KAZN: variants seen among roughly 807,000 people sequenced by gnomAD.
KAZN encodes kazrin, periplakin interacting protein, also known as kazrin.
In KAZN, 40 loss-of-function variants were observed where a neutral mutation model predicts 87.4. The ratio of observed to expected loss-of-function variants is 0.46; its 90% CI spans 0.36 to 0.60. The LOEUF (loss-of-function observed/expected upper bound fraction) is 0.60, where lower values mean the gene tolerates loss of function less well. Ranked by LOEUF, KAZN falls within the 20% of genes least tolerant of loss-of-function variation. The probability of loss-of-function intolerance (pLI) is 0.00; values close to 1 mark genes in which losing one functional copy is unlikely to be tolerated. For synonymous variants in KAZN, 466 were observed against 458.3 expected, an observed-to-expected ratio of 1.02 and a Z score of -0.22; for missense variants, 898 against 1,073.9, an observed-to-expected ratio of 0.84 and a Z score of 2.29.
At chr1:14,639,781 G>T (rs532152884) in intron 1 of KAZN, among the ~76,000 whole-genome samples, 3 of 152,214 alleles carry the variant, frequency 2.0e-5, no homozygotes, top group East Asian at 3.9e-4. Context: ...CATCTCTTTT[G>T]ATTTTTTTAG....
chr1:14,143,249 G>A (rs1320602566), intron 1 of KAZN, among the ~76,000 whole-genome samples: 2 of 152,132 alleles, frequency 1.3e-5, no homozygotes, highest in Non-Finnish European at 2.9e-5. Flanking sequence ...TTTTATTTCT[G>A]TATACCTAGG....
intron 2 of KAZN, among the ~76,000 whole-genome samples, chr1:14,493,459 C>T (rs1158946335): frequency 6.6e-6 from 1 of 151,910 alleles, no homozygotes; most frequent in Non-Finnish European, 1.5e-5. Context: ...CACTCTGTAT[C>T]TCATTCCACC....
intron 2 of KAZN, among the ~76,000 whole-genome samples, chr1:14,294,719 C>A (rs1045902423): frequency 6.8e-6 from 1 of 148,070 alleles, no homozygotes; most frequent in Admixed American, 6.7e-5. Flanking sequence ...AAAATCAGGC[C>A]AAGTAGATTT....
At position 13,979,714 on chromosome 1, in the gene KAZN, G is replaced by C. The variant is rs900526430; in HGVS notation, c.91+85958G>C. ...GAGGCCGAGGCGGGCGGATCACAAG[G>C]TCAGGAGATCGAGACCATCCTGGCT... On this transcript the variant is annotated intron_variant, in intron 1 of 16. Transcript: ENST00000636203. Among the ~76,000 whole-genome samples, 4 of 152,140 alleles carry C rather than the reference G, an allele frequency of 2.6e-5. No individual in the cohort carries two copies. In the East Asian group the frequency reaches 7.7e-4, roughly 29 times the overall value.
intron 2 of KAZN, among the ~76,000 whole-genome samples, chr1:14,188,236 T>TGTGTGTGTGTGTGA (rs1406316215): frequency 2.2e-5 from 3 of 139,204 alleles, no homozygotes; most frequent in Non-Finnish European, 4.8e-5. Context: ...TGTGTGTGTG[T>TGTGTGTGTGTGTGA]GAAAGAGAAG....
rs1178354505 is a variant in KAZN at position 15,060,273 on chromosome 1, C to G, written c.1018C>G (p.Pro340Ala). The change falls in exon 6 of 15, where the codon CCT becomes GCT. Residue 340 changes from proline (P) to alanine (A), a missense_variant. Pro to Ala is a conservative substitution (Grantham distance 27, BLOSUM62 -1). Transcript: ENST00000376030. ...RSSTPSDINS[P>A]RHRTHSLCNG... ...GTCCACACCGAGCGACATCAACTCC[C>G]CTCGACACCGGACACACTCCCTCTG... is the stretch of plus-strand genomic sequence containing the variant. The G allele has an allele frequency of 6.2e-7, 1 of 1,614,232 alleles. No individual in the cohort carries two copies. Among genetic ancestry groups the G allele is most frequent in the Admixed American group, 1.7e-5 (1 of 60,036 alleles).
intron 1 of KAZN, among the ~76,000 whole-genome samples, chr1:13,897,417 G>C (rs1639085663): frequency 6.6e-6 from 1 of 152,158 alleles, no homozygotes; most frequent in Admixed American, 6.5e-5. Flanking sequence ...TACCCTTGAT[G>C]CTACATGGTG....
intron 1 of KAZN, among the ~76,000 whole-genome samples, chr1:14,173,898 A>T (rs1017074402): frequency 6.6e-6 from 1 of 152,200 alleles, no homozygotes; most frequent in African/African-American, 2.4e-5. Context: ...TTCCTACAAA[A>T]TAAGAGAGCT....
chr1:14,533,758 C>T (rs1235771476), intron 2 of KAZN, among the ~76,000 whole-genome samples: 1 of 152,178 alleles, frequency 6.6e-6, no homozygotes, highest in East Asian at 1.9e-4. Context: ...CTACAATCCA[C>T]AATTTCTCTC....
intron 1 of KAZN, among the ~76,000 whole-genome samples, chr1:13,926,439 C>G (rs1640278374): frequency 6.6e-6 from 1 of 152,140 alleles, no homozygotes; most frequent in Non-Finnish European, 1.5e-5. Flanking sequence ...AAGCAATGAA[C>G]AGTCTCCACT....
chr1:13,966,434 G>A (rs1040371341), intron 1 of KAZN, among the ~76,000 whole-genome samples: 3 of 152,206 alleles, frequency 2.0e-5, no homozygotes, highest in African/African-American at 7.2e-5. Context: ...CTTTCTGGGG[G>A]TGGGGTCCTG....
intron 1 of KAZN, among the ~76,000 whole-genome samples, chr1:14,095,676 G>GA (rs1210367933): frequency 6.6e-5 from 10 of 152,092 alleles, no homozygotes; most frequent in African/African-American, 2.2e-4. Context: ...AGTGTCAACT[G>GA]AGGCCACATG....
At chr1:14,834,356 CTTTTTT>C (rs34228625) in intron 1 of KAZN, among the ~76,000 whole-genome samples, 2 of 88,636 alleles carry the variant, frequency 2.3e-5, no homozygotes, top group Non-Finnish European at 2.1e-5. Flanking sequence ...AAGTCACTTC[CTTTTTT>C]TTTTTTTTTT....
chr1:13,902,577 T>G (rs1185492167), intron 1 of KAZN, among the ~76,000 whole-genome samples: 2 of 152,140 alleles, frequency 1.3e-5, no homozygotes, highest in East Asian at 3.8e-4. Context: ...AAAAAGAGGC[T>G]GATGAATGGG....
chr1:15,096,945 G>A lies in KAZN; in HGVS notation c.1547+2012G>A, dbSNP rs1401674355. 2.0e-5 allele frequency among the ~76,000 whole-genome samples: 3 copies of A among 152,204 alleles called. No individual in the cohort carries two copies. Among genetic ancestry groups the A allele is most frequent in the Non-Finnish European group, 4.4e-5 (3 of 68,040 alleles). ...AACAGTGGCACCACGTTAACCTCCA[G>A]GAACCAGGAGTCTGTGGTCCCAGGG... On this transcript the variant is annotated intron_variant, in intron 10 of 14. Coordinates refer to ENST00000376030, the MANE Select transcript of KAZN (RefSeq NM_201628.3). The surrounding 1 kb of genome is among the most constrained non-coding windows in gnomAD (Gnocchi z 4.5).
intron 1 of KAZN, among the ~76,000 whole-genome samples, chr1:13,904,563 G>C (rs755365737): frequency 1.8e-4 from 27 of 152,190 alleles, no homozygotes; most frequent in Admixed American, 1.2e-3. Flanking sequence ...TCTAAGTTGA[G>C]TTATTTTCTC....
chr1:14,468,947 G>A (rs1272107830), intron 2 of KAZN, among the ~76,000 whole-genome samples: 1 of 152,152 alleles, frequency 6.6e-6, no homozygotes, highest in Admixed American at 6.5e-5. Context: ...TGGTATCAGG[G>A]ATGAATCATG....
rs182499281 is a variant in KAZN at position 14,368,558 on chromosome 1, C to A, written c.249+187966C>A. Among the ~76,000 whole-genome samples the A allele has an allele frequency of 2.6e-5, 4 of 152,294 alleles. No homozygotes were observed. The East Asian group carries it at 7.7e-4, about 29-fold the overall frequency. On this transcript the variant is annotated intron_variant, in intron 2 of 16. Transcript: ENST00000636203. ...CAACCCATGGGACCTAGAGAAACAG[C>A]TTTCTTGATAGCTCAGATGCAGAAT...
intron 2 of KAZN, among the ~76,000 whole-genome samples, chr1:14,358,636 T>C (rs1659244116): frequency 1.3e-5 from 2 of 152,224 alleles, no homozygotes; most frequent in African/African-American, 2.4e-5. Context: ...TTTGTTCTCA[T>C]TGGTTTCAAA....
Sources: gnomAD v4.1 joint callset for allele counts (sites outside exome capture counted in the v4.1 genomes callset) on GRCh38, gnomAD v4.1.1 for gene constraint, Gnocchi (gnomAD v3.1) non-coding constraint, MANE v1.5 for transcripts, NCBI Gene and HGNC (gene_info 2026-07-23, HGNC 2026-07-21) for gene names.